Variants in CD2AP observed in about 807,000 individuals in gnomAD.
CD2AP encodes CD2-associated protein.
Under a neutral mutation model 85.1 loss-of-function variants are expected in CD2AP, and 46 were observed. The ratio of observed to expected loss-of-function variants is 0.54; its 90% CI spans 0.43 to 0.69. The LOEUF (loss-of-function observed/expected upper bound fraction) is 0.69. Among genes scored for constraint, CD2AP ranks in the 30% least tolerant of loss-of-function variants. CD2AP has a pLI of 0.00. For synonymous variants in CD2AP, 255 were observed against 252.9 expected, an observed-to-expected ratio of 1.01 and a Z score of -0.08; for missense variants, 769 against 729.5, an observed-to-expected ratio of 1.05 and a Z score of -0.62.
chr6:47,523,515 TA>T (rs1314870009), intron 2 of CD2AP, among the ~76,000 whole-genome samples: 1 of 152,024 alleles, frequency 6.6e-6, no homozygotes, highest in Non-Finnish European at 1.5e-5. Flanking sequence ...AAAATAAAAA[TA>T]AAAAACGGTT....
In CD2AP at chr6:47,595,876, T is replaced by C; in HGVS notation, c.1124T>C (p.Leu375Pro). The change falls in exon 12 of 18, where the codon CTG becomes CCG. Residue 375 changes from leucine to proline, a missense_variant. Physicochemically the swap from Leu to Pro is moderately conservative, Grantham distance 98. Coordinates refer to ENST00000359314, the MANE Select transcript of CD2AP (RefSeq NM_012120.3). ...KPEEKDEKST[L>P]EQKPSKPAAP... ...TAAATCTTAGATGAAAAATCAACACTGGAACAGAAACCTTCTAAACCAGCA... is the reference window on the plus strand; with the variant it reads ...TAAATCTTAGATGAAAAATCAACACCGGAACAGAAACCTTCTAAACCAGCA... The C allele has an allele frequency of 1.9e-6, 3 of 1,612,422 alleles. No homozygotes were observed. The highest frequency in any genetic ancestry group is 2.5e-6 in the Non-Finnish European group (3 of 1,178,856).
intron 4 of CD2AP, among the ~76,000 whole-genome samples, chr6:47,549,562 A>G (rs78371153): frequency 0.077 from 11,664 of 151,970 alleles, 461 homozygotes; most frequent in South Asian, 0.13. Flanking sequence ...AAAGAAATAG[A>G]CGACAAAAAC....
chr6:47,565,900 A>G (rs1321334380), intron 5 of CD2AP, among the ~76,000 whole-genome samples: 1 of 152,250 alleles, frequency 6.6e-6, no homozygotes, highest in East Asian at 1.9e-4. Context: ...AAAAGCCAAA[A>G]TCTTTTAAAA....
intron 1 of CD2AP, among the ~76,000 whole-genome samples, chr6:47,484,673 A>G (rs995984475): frequency 2.6e-5 from 4 of 152,170 alleles, no homozygotes; most frequent in African/African-American, 9.7e-5. Context: ...GTAGCTTGTT[A>G]AACTTCCCAT....
intron 17 of CD2AP, among the ~76,000 whole-genome samples, chr6:47,620,795 T>A (rs1330010557): frequency 1.3e-5 from 2 of 152,188 alleles, no homozygotes; most frequent in African/African-American, 4.8e-5. Flanking sequence ...TATTTTATTT[T>A]ATTTTTTTGC....
At chr6:47,497,152 T>C (rs554073396) in intron 1 of CD2AP, among the ~76,000 whole-genome samples, 1 of 152,226 alleles carries the variant, frequency 6.6e-6, no homozygotes, top group South Asian at 2.1e-4. Context: ...GTCGTGTTTT[T>C]TTTTTACTGT....
chr6:47,492,746 T>C lies in CD2AP; in HGVS notation c.5-10534T>C, dbSNP rs367838615. ...TAATCTGGGCCTTCTGTTTTTCCCC[T>C]TGGTCATTCTTTCTAGAGATTTATT... On this transcript the variant is annotated intron_variant, in intron 1 of 17. Coordinates refer to ENST00000359314, the MANE Select transcript of CD2AP (RefSeq NM_012120.3). Among the ~76,000 whole-genome samples, 296 of 152,340 alleles carry C rather than the reference T, an allele frequency of 1.9e-3. 2 individuals are homozygous for C. The highest frequency in any genetic ancestry group is 6.8e-3 in the African/African-American group (284 of 41,576).
rs147684729 is a variant in CD2AP, at chr6:47,571,013, C to G, written c.542-3051C>G. Among the ~76,000 whole-genome samples, 1,201 of 152,174 alleles carry G rather than the reference C, an allele frequency of 7.9e-3. 14 individuals are homozygous for G. Among genetic ancestry groups the G allele is most frequent in the African/African-American group, 0.027 (1,121 of 41,516 alleles). On this transcript the variant is annotated intron_variant, in intron 5 of 17. Coordinates refer to ENST00000359314, the MANE Select transcript of CD2AP (RefSeq NM_012120.3). ...AGGTTACAGTCACTAAATCCAAACC[C>G]CCTTCCCTGCCTTTTTTTTTGTTTT...
intron 5 of CD2AP, among the ~76,000 whole-genome samples, chr6:47,556,389 C>CT (rs35826353): frequency 4.7e-5 from 7 of 149,162 alleles, no homozygotes; most frequent in East Asian, 4.0e-4. Flanking sequence ...TGAACTCATT[C>CT]TTTTTTTTTT....
At chr6:47,544,168 A>G (rs1003294824) in intron 3 of CD2AP, among the ~76,000 whole-genome samples, 1 of 152,222 alleles carries the variant, frequency 6.6e-6, no homozygotes, top group Non-Finnish European at 1.5e-5. Flanking sequence ...TAAATTTGAA[A>G]TTTGTACATC....
intron 5 of CD2AP, among the ~76,000 whole-genome samples, chr6:47,559,806 G>A (rs1249736170): frequency 1.3e-5 from 2 of 152,146 alleles, no homozygotes; most frequent in Admixed American, 6.5e-5. Context: ...TATGGAGCCT[G>A]CAGAAGAGTC....
At chr6:47,487,277 G>A (rs1480604941) in intron 1 of CD2AP, among the ~76,000 whole-genome samples, 1 of 152,164 alleles carries the variant, frequency 6.6e-6, no homozygotes, top group African/African-American at 2.4e-5. Flanking sequence ...ATAAAAGGCT[G>A]TGTTTCAAAT....
At chr6:47,558,952 C>G (rs948848757) in intron 5 of CD2AP, among the ~76,000 whole-genome samples, 1 of 152,102 alleles carries the variant, frequency 6.6e-6, no homozygotes, top group Non-Finnish European at 1.5e-5. Context: ...CCATCTAGAG[C>G]TGAGCTTTTT....
intron 6 of CD2AP, among the ~76,000 whole-genome samples, chr6:47,575,549 A>T (rs978549386): frequency 1.3e-5 from 2 of 152,190 alleles, no homozygotes; most frequent in Non-Finnish European, 2.9e-5. Flanking sequence ...GTGCACCACA[A>T]TATGGTGTTT....
At chr6:47,593,595 A>C (rs1768858615) in intron 11 of CD2AP, among the ~76,000 whole-genome samples, 1 of 152,234 alleles carries the variant, frequency 6.6e-6, no homozygotes, top group African/African-American at 2.4e-5. Context: ...TCAAAACCAC[A>C]GCGAGCACCA....
intron 1 of CD2AP, among the ~76,000 whole-genome samples, chr6:47,487,266 A>G (rs779459053): frequency 2.0e-5 from 3 of 152,216 alleles, no homozygotes; most frequent in Admixed American, 2.0e-4. Flanking sequence ...GTCAAATGGA[A>G]ATAAAAGGCT....
At chr6:47,539,626 G>A (rs1767152095) in intron 3 of CD2AP, among the ~76,000 whole-genome samples, 1 of 152,162 alleles carries the variant, frequency 6.6e-6, no homozygotes, top group South Asian at 2.1e-4. Flanking sequence ...GTCTTTGATG[G>A]ATTATTTAAC....
chr6:47,588,816 C>T (rs1031893337), intron 11 of CD2AP, among the ~76,000 whole-genome samples: 5 of 152,068 alleles, frequency 3.3e-5, no homozygotes, highest in Admixed American at 3.3e-4. Flanking sequence ...GTCCATTTGA[C>T]AGAAAAGAGA....
chr6:47,579,447 C>T lies in CD2AP; in HGVS notation c.966C>T (p.Asp322=), dbSNP rs151172462. The T allele has an allele frequency of 6.2e-7, 1 of 1,612,414 alleles. No homozygotes were observed. The highest frequency in any genetic ancestry group is 1.3e-5 in the African/African-American group (1 of 74,810). The change falls in exon 9 of 18, where the codon GAC becomes GAT. Residue 322 remains aspartate, a synonymous_variant. Transcript: ENST00000359314. The stretch of plus-strand genomic sequence containing the variant: ...ATGGTAAAGAAGGAGTATTTCCAGA[C>T]AATTTTGCTGTCCAGATAAATGAAC... The part of the protein sequence containing the change: ...ELNGKEGVFP[D]NFAVQINELD...
Sources: allele counts gnomAD v4.1 joint callset (sites outside exome capture counted in the v4.1 genomes callset), GRCh38; gene constraint gnomAD v4.1.1; transcripts MANE v1.5; gene names NCBI Gene and HGNC (gene_info 2026-07-23, HGNC 2026-07-21).